The following SCUBE2 variants were observed in gnomAD, a reference collection of about 807,000 sequenced individuals.
SCUBE2 encodes the protein signal peptide, CUB domain and EGF like domain containing 2.
In SCUBE2, 114 loss-of-function variants were observed where a neutral mutation model predicts 125.9. The observed-to-expected ratio is 0.91, with a 90% CI of 0.78 to 1.06. The LOEUF (loss-of-function observed/expected upper bound fraction) is 1.06, where lower values mean the gene tolerates loss of function less well. SCUBE2 is among the 50% of genes least tolerant of loss of function. SCUBE2 has a pLI of 0.00. For missense variants in SCUBE2, 1,255 were observed against 1,301.8 expected, an observed-to-expected ratio of 0.96 and a Z score of 0.55; for synonymous variants, 459 against 492.9, an observed-to-expected ratio of 0.93 and a Z score of 0.91.
intron 16 of SCUBE2, among the ~76,000 whole-genome samples, chr11:9,036,782 CTCTT>C (rs1201063783): frequency 6.6e-6 from 1 of 152,240 alleles, no homozygotes; most frequent in Non-Finnish European, 1.5e-5. Context: ...CTGCTGAGAA[CTCTT>C]TCAACCTCCA....
chr11:9,066,680 T>C lies in SCUBE2; in HGVS notation c.760+17A>G, dbSNP rs147468647. The stretch of plus-strand genomic sequence containing the variant: ...GGCTGGTGCAGACCCTCACTCAGTG[T>C]TGGGGTTGCCACTCACCAAGGCAGC... On this transcript the variant is annotated intron_variant, in intron 6 of 22. Coordinates refer to ENST00000649792, the MANE Select transcript of SCUBE2 (RefSeq NM_001367977.2). The C allele has an allele frequency of 2.3e-3, 3,709 of 1,597,804 alleles. 5 individuals carry two copies. The highest frequency in any genetic ancestry group is 2.8e-3 in the Non-Finnish European group (3,262 of 1,165,268).
chr11:9,021,978 T>G, intron 21 of SCUBE2, 23 bp from the exon 22 acceptor site: 1 of 1,568,492 alleles, frequency 6.4e-7, no homozygotes, highest in Non-Finnish European at 8.8e-7. Flanking sequence ...AGAACATGTT[T>G]TGCATTCTTA....
Position 9,019,513 on chromosome 11 carries a change from ATT to A in SCUBE2, c.*1530_*1531del, listed in dbSNP as rs139208814. On this transcript the variant is annotated 3_prime_UTR_variant, in exon 23 of 23. Transcript: ENST00000649792. ...AAGTCCAAGTGCTTGTTTTAATGCT[ATT>A]TTTTTTTTAATGATGATGTTCAAAC... Among the ~76,000 whole-genome samples the A allele has an allele frequency of 1.1e-4, 17 of 149,706 alleles. No individual in the cohort carries two copies. Among genetic ancestry groups the A allele is most frequent in the Non-Finnish European group, 2.2e-4 (15 of 67,454 alleles).
intron 2 of SCUBE2, among the ~76,000 whole-genome samples, chr11:9,081,705 C>A (rs1330487996): frequency 3.9e-5 from 6 of 152,026 alleles, no homozygotes; most frequent in African/African-American, 1.2e-4. Flanking sequence ...TTATTTTGTA[C>A]ATAACACATG....
chr11:9,069,698 G>T (rs1241469452), intron 4 of SCUBE2, among the ~76,000 whole-genome samples: 1 of 152,198 alleles, frequency 6.6e-6, no homozygotes, highest in Non-Finnish European at 1.5e-5. Flanking sequence ...CAAGAGATAT[G>T]ATGTCTCAAC....
At chr11:9,048,913 G>A (rs537513344) in intron 14 of SCUBE2, among the ~76,000 whole-genome samples, 1 of 152,322 alleles carries the variant, frequency 6.6e-6, no homozygotes, top group African/African-American at 2.4e-5. Context: ...TAGGTCAACA[G>A]GGGCCACAGG....
intron 1 of SCUBE2, among the ~76,000 whole-genome samples, chr11:9,090,144 G>C (rs142676778): frequency 1.1e-3 from 167 of 152,268 alleles, no homozygotes; most frequent in African/African-American, 3.7e-3. Context: ...GTATGGCTTT[G>C]CATGCACACA....
chr11:9,066,412 T>C (rs1000531840), intron 6 of SCUBE2, among the ~76,000 whole-genome samples: 4 of 152,212 alleles, frequency 2.6e-5, no homozygotes, highest in Admixed American at 2.0e-4. Flanking sequence ...AACTTCGTGC[T>C]GCCCTGGCCT....
chr11:9,082,879 T>C (rs923303714), intron 2 of SCUBE2, among the ~76,000 whole-genome samples: 3 of 152,200 alleles, frequency 2.0e-5, no homozygotes, highest in Non-Finnish European at 2.9e-5. Flanking sequence ...AGGAAAATGT[T>C]TGTATTGTGA....
chr11:9,021,325 T>C lies in SCUBE2; in HGVS notation c.2935-128A>G, dbSNP rs569159534. On this transcript the variant is annotated intron_variant, in intron 22 of 22. Coordinates refer to ENST00000649792, the MANE Select transcript of SCUBE2 (RefSeq NM_001367977.2). ...GCTGAAAAACACTTGCAAAAATTGTTTCCTCTGATTTTTATCTTCTTTCCA... is the reference window on the plus strand; with the variant it reads ...GCTGAAAAACACTTGCAAAAATTGTCTCCTCTGATTTTTATCTTCTTTCCA... 2.5e-5 allele frequency: 16 copies of C among 635,764 alleles called. No homozygotes were observed. In the South Asian group the frequency reaches 1.1e-3, roughly 42 times the overall value. The allele number at this position is 635,764 out of a possible 1,614,324, so 39.4% of individuals were successfully genotyped here.
chr11:9,042,936 G>T (rs1267345323), intron 16 of SCUBE2, among the ~76,000 whole-genome samples: 2 of 152,152 alleles, frequency 1.3e-5, no homozygotes, highest in Non-Finnish European at 1.5e-5. Flanking sequence ...AAAGCCCCCA[G>T]ATTGGTCTTT....
chr11:9,045,232 T>C (rs951016566), intron 16 of SCUBE2, among the ~76,000 whole-genome samples: 3 of 152,154 alleles, frequency 2.0e-5, no homozygotes, highest in Non-Finnish European at 4.4e-5. Context: ...AAAACAGTTG[T>C]GGAAAAATCA....
At chr11:9,052,987 T>C in intron 12 of SCUBE2, 112 bp downstream of exon 12, 1 of 1,071,726 alleles carries the variant, frequency 9.3e-7, no homozygotes, top group Admixed American at 2.1e-5. Flanking sequence ...AGCACGGTGG[T>C]CGGGGCATCT....
intron 16 of SCUBE2, among the ~76,000 whole-genome samples, chr11:9,036,441 C>T (rs1186618688): frequency 1.3e-5 from 2 of 152,132 alleles, no homozygotes; most frequent in Non-Finnish European, 2.9e-5. Context: ...TGTAGCAGGC[C>T]AGTATATCAG....
intron 13 of SCUBE2, 62 bp downstream of exon 13, chr11:9,052,684 C>T (rs1446697602): frequency 2.2e-5 from 27 of 1,236,484 alleles, no homozygotes; most frequent in African/African-American, 3.0e-5. Context: ...AACAGCACCC[C>T]GTGAATGAAG....
chr11:9,056,023 A>G (rs1859049566), intron 9 of SCUBE2, 114 bp from the exon 10 acceptor site: 2 of 783,088 alleles, frequency 2.6e-6, no homozygotes, highest in Admixed American at 3.8e-5. Flanking sequence ...CACACAGAGT[A>G]AAAAACATTA....
At chr11:9,059,071 GTTCT>G (rs1234019773) in intron 9 of SCUBE2, among the ~76,000 whole-genome samples, 1 of 152,192 alleles carries the variant, frequency 6.6e-6, no homozygotes, top group Non-Finnish European at 1.5e-5. Context: ...ACATCGATGG[GTTCT>G]TTAAGGTGTT....
At chr11:9,024,320 C>G in intron 21 of SCUBE2, 2 of 1,237,720 alleles carry the variant, frequency 1.6e-6, no homozygotes, top group East Asian at 5.8e-5. Context: ...CTCTCTGTCT[C>G]TCTCAGCAGA....
At chr11:9,050,275 C>T in intron 14 of SCUBE2, 1 of 209,972 alleles carries the variant, frequency 4.8e-6, no homozygotes, top group East Asian at 1.1e-4. Flanking sequence ...AATCTGAGAT[C>T]TAGAAAATTT....
Sources: allele counts gnomAD v4.1 joint callset (sites outside exome capture counted in the v4.1 genomes callset), GRCh38; gene constraint gnomAD v4.1.1; transcripts MANE v1.5; gene names NCBI Gene and HGNC (gene_info 2026-07-23, HGNC 2026-07-21).